UNC5C: variants seen among roughly 807,000 people sequenced by gnomAD.
UNC5C encodes unc-5 netrin receptor C, also known as netrin receptor UNC5C.
Under a neutral mutation model 99.8 loss-of-function variants are expected in UNC5C, and 47 were observed. The observed-to-expected ratio is 0.47, with a 90% confidence interval of 0.37 to 0.60. The LOEUF (loss-of-function observed/expected upper bound fraction) is 0.60. Among genes scored for constraint, UNC5C ranks in the 20% least tolerant of loss-of-function variants. The pLI, the probability that UNC5C is intolerant of heterozygous loss-of-function variation, is 0.00. For missense variants in UNC5C, 1,062 were observed against 1,165.9 expected (o/e 0.91, Z 1.30); for synonymous variants, 487 against 452.2 (o/e 1.08, Z -0.98).
chr4:95,398,407 C>T (rs1745588183), intron 1 of UNC5C, among the ~76,000 whole-genome samples: 1 of 151,908 alleles, frequency 6.6e-6, no homozygotes, highest in Admixed American at 6.6e-5. Flanking sequence ...ATAACAGATG[C>T]AATGCACTAA....
At chr4:95,333,563 G>A (rs1320912740) in intron 2 of UNC5C, among the ~76,000 whole-genome samples, 2 of 127,586 alleles carry the variant, frequency 1.6e-5, no homozygotes, top group Non-Finnish European at 3.2e-5. Flanking sequence ...ACACTCTGCG[G>A]ACTATTGTGG....
chr4:95,482,753 G>T (rs1272287284), intron 1 of UNC5C, among the ~76,000 whole-genome samples: 4 of 118,812 alleles, frequency 3.4e-5, no homozygotes, highest in Non-Finnish European at 7.0e-5. Context: ...GTAAACTATC[G>T]CAAGGACAAA....
intron 1 of UNC5C, among the ~76,000 whole-genome samples, chr4:95,337,361 C>T (rs560584611): frequency 1.5e-4 from 23 of 151,968 alleles, no homozygotes; most frequent in African/African-American, 5.1e-4. Context: ...GGAATGATTG[C>T]AAGATACAGA....
intron 10 of UNC5C, among the ~76,000 whole-genome samples, chr4:95,209,461 A>C (rs1362403474): frequency 6.6e-6 from 1 of 152,176 alleles, no homozygotes; most frequent in African/African-American, 2.4e-5. Context: ...CCAGGATCTC[A>C]CCAACCTATG....
intron 14 of UNC5C, among the ~76,000 whole-genome samples, chr4:95,182,695 G>T (rs1037288696): frequency 6.6e-6 from 1 of 151,846 alleles, no homozygotes; most frequent in East Asian, 1.9e-4. Context: ...TTTCAAAAAG[G>T]ATCCCTTAAT....
chr4:95,245,095 G>A lies in UNC5C; in HGVS notation c.825C>T (p.Arg275=). Residue 275 remains arginine, a synonymous_variant, in exon 6 of 16, where the codon CGC becomes CGT. Transcript: ENST00000453304. ...TACGTTTCTGATACCCTCGTCCACAGCGGCTGTTACACACAGACCACTCCG... is the reference window on the plus strand; with the variant it reads ...TACGTTTCTGATACCCTCGTCCACAACGGCTGTTACACACAGACCACTCCG... The part of the protein sequence containing the change: ...TWTEWSVCNS[R]CGRGYQKRTR... 1 of 1,614,128 alleles carries A rather than the reference G, an allele frequency of 6.2e-7. No homozygotes were observed. The highest frequency in any genetic ancestry group is 8.5e-7 in the Non-Finnish European group (1 of 1,180,012).
chr4:95,464,715 A>C (rs1747719621), intron 1 of UNC5C, among the ~76,000 whole-genome samples: 1 of 152,204 alleles, frequency 6.6e-6, no homozygotes, highest in African/African-American at 2.4e-5. Context: ...TTTTGTAAAC[A>C]AATCACTGTC....
chr4:95,479,246 A>G (rs890443945), intron 1 of UNC5C, among the ~76,000 whole-genome samples: 9 of 151,968 alleles, frequency 5.9e-5, no homozygotes, highest in Non-Finnish European at 1.2e-4. Flanking sequence ...GATTTCAAAT[A>G]TTATATTCCA....
intron 1 of UNC5C, among the ~76,000 whole-genome samples, chr4:95,372,201 A>T (rs1478455838): frequency 6.6e-6 from 1 of 152,224 alleles, no homozygotes; most frequent in Non-Finnish European, 1.5e-5. Context: ...CCTGAGAAGA[A>T]ATTCACTAAA....
At chr4:95,187,375 C>T (rs937376239) in intron 12 of UNC5C, among the ~76,000 whole-genome samples, 3 of 152,168 alleles carry the variant, frequency 2.0e-5, no homozygotes, top group Non-Finnish European at 4.4e-5. Flanking sequence ...TCGAAATTAT[C>T]TCCCTGGGAT....
chr4:95,543,726 A>G (rs765517137), intron 1 of UNC5C, among the ~76,000 whole-genome samples: 1 of 152,212 alleles, frequency 6.6e-6, no homozygotes, highest in Non-Finnish European at 1.5e-5. Flanking sequence ...ATCTTTCAGT[A>G]TCCCTTGAGA....
chr4:95,220,231 C>T (rs918783281), intron 7 of UNC5C, 55 bp from the exon 8 acceptor site: 2 of 1,498,838 alleles, frequency 1.3e-6, no homozygotes, highest in Non-Finnish European at 1.8e-6. Flanking sequence ...TCCCACAGTA[C>T]ACATATGTAT....
In UNC5C at chr4:95,407,784, G is replaced by A. The variant is rs116622294; in HGVS notation, c.125-72153C>T. ...CTTAATGCTAATTTATCCAAAAGGC[G>A]TTATATTACTGTATTGGGCAGCTAG... On this transcript the variant is annotated intron_variant, in intron 1 of 15. Coordinates refer to ENST00000453304, the MANE Select transcript of UNC5C (RefSeq NM_003728.4). 1.0e-2 allele frequency among the ~76,000 whole-genome samples: 1,521 copies of A among 152,238 alleles called. 13 individuals carry two copies. The highest frequency in any genetic ancestry group is 0.017 in the Non-Finnish European group (1,145 of 68,006).
At chr4:95,492,795 A>G (rs1157593941) in intron 1 of UNC5C, among the ~76,000 whole-genome samples, 1 of 151,484 alleles carries the variant, frequency 6.6e-6, no homozygotes, top group African/African-American at 2.4e-5. Context: ...GTGTTTAACT[A>G]AACAGAAAAA....
intron 4 of UNC5C, among the ~76,000 whole-genome samples, chr4:95,276,732 T>C (rs1740875297): frequency 6.6e-6 from 1 of 152,218 alleles, no homozygotes; most frequent in Admixed American, 6.5e-5. Context: ...TAAATCATAC[T>C]GTGTCTTAGT....
chr4:95,189,365 C>A (rs1736971176), intron 12 of UNC5C, among the ~76,000 whole-genome samples: 1 of 152,224 alleles, frequency 6.6e-6, no homozygotes, highest in African/African-American at 2.4e-5. Flanking sequence ...TAGCTCACTG[C>A]AGCCTCGACC....
At chr4:95,292,262 TATATAAA>T in intron 3 of UNC5C, among the ~76,000 whole-genome samples, 1 of 57,350 alleles carries the variant, frequency 1.7e-5, no homozygotes, top group African/African-American at 8.0e-5. Context: ...TATATATATA[TATATAAA>T]TTTTTTTTGT....
At chr4:95,184,656 A>G (rs556802972) in intron 13 of UNC5C, among the ~76,000 whole-genome samples, 4 of 152,176 alleles carry the variant, frequency 2.6e-5, no homozygotes, top group Non-Finnish European at 5.9e-5. Flanking sequence ...TTTCAATGTA[A>G]GGGTACTGGC....
At chr4:95,335,655 A>G in intron 1 of UNC5C, 24 bp from the exon 2 acceptor site, 1 of 1,583,712 alleles carries the variant, frequency 6.3e-7, no homozygotes. Context: ...AGAAAGTGGA[A>G]GATGGTTAAC....
Sources: allele counts gnomAD v4.1 joint callset (sites outside exome capture counted in the v4.1 genomes callset), GRCh38; gene constraint gnomAD v4.1.1; transcripts MANE v1.5; gene names NCBI Gene and HGNC (gene_info 2026-07-23, HGNC 2026-07-21).